MGA: variants seen among roughly 807,000 people sequenced by gnomAD.
The protein encoded by MGA is MAX gene-associated protein.
In MGA, 40 loss-of-function variants were observed where a neutral mutation model predicts 261.1. The ratio of observed to expected loss-of-function variants is 0.15; its 90% CI spans 0.12 to 0.20. The LOEUF (loss-of-function observed/expected upper bound fraction) is 0.20. MGA is among the 10% of genes least tolerant of loss of function. The probability of loss-of-function intolerance (pLI) is 1.00; values close to 1 mark genes in which losing one functional copy is unlikely to be tolerated. For synonymous variants in MGA, 1,302 were observed against 1,290.6 expected, an observed-to-expected ratio of 1.01 and a Z score of -0.19; for missense variants, 3,397 against 3,630.5, an observed-to-expected ratio of 0.94 and a Z score of 1.65.
intron 1 of MGA, among the ~76,000 whole-genome samples, chr15:41,649,296 G>A (rs946889080): frequency 1.3e-4 from 19 of 151,566 alleles, no homozygotes; most frequent in African/African-American, 3.4e-4. Context: ...GCAGAGAATC[G>A]CTTGAACCTG....
At chr15:41,749,019 A>G in intron 16 of MGA, 92 bp downstream of exon 16, 1 of 1,543,294 alleles carries the variant, frequency 6.5e-7, no homozygotes, top group Non-Finnish European at 8.7e-7. Flanking sequence ...TTCATCTCTT[A>G]AGAGTTACTT....
chr15:41,630,446 T>G (rs1287597000), intron 1 of MGA, among the ~76,000 whole-genome samples: 1 of 152,224 alleles, frequency 6.6e-6, no homozygotes, highest in Admixed American at 6.5e-5. Context: ...TGAAAAAGTT[T>G]AAAAGTTTTG....
intron 1 of MGA, among the ~76,000 whole-genome samples, chr15:41,637,389 A>G (rs1369655234): frequency 1.3e-5 from 2 of 152,166 alleles, no homozygotes; most frequent in Non-Finnish European, 2.9e-5. Context: ...TTGGTACTGA[A>G]ACTGGTTTAA....
At chr15:41,715,789 T>G (rs1419868823) in intron 9 of MGA, among the ~76,000 whole-genome samples, 2 of 152,324 alleles carry the variant, frequency 1.3e-5, no homozygotes, top group East Asian at 3.9e-4. Context: ...TAAATGATCT[T>G]TGTGTAAATA....
At chr15:41,716,881 CT>C (rs879628443) in intron 9 of MGA, among the ~76,000 whole-genome samples, 121 of 151,056 alleles carry the variant, frequency 8.0e-4, no homozygotes, top group African/African-American at 2.3e-3. Context: ...GCATTTAATA[CT>C]TTTTTTTTGT....
At chr15:41,631,869 T>C (rs1201716392) in intron 1 of MGA, among the ~76,000 whole-genome samples, 1 of 152,238 alleles carries the variant, frequency 6.6e-6, no homozygotes, top group Non-Finnish European at 1.5e-5. Context: ...TGTTAGCGTG[T>C]TGATATGCTT....
intron 2 of MGA, among the ~76,000 whole-genome samples, chr15:41,676,657 T>G (rs1469920080): frequency 6.6e-6 from 1 of 152,188 alleles, no homozygotes; most frequent in Non-Finnish European, 1.5e-5. Context: ...GACCTTGAAA[T>G]TGTTTTAGTT....
chr15:41,740,128 G>A lies in MGA; in HGVS notation c.4510G>A (p.Ala1504Thr), dbSNP rs200498017. 205 of 1,613,886 alleles carry A rather than the reference G, an allele frequency of 1.3e-4. 1 individual carries two copies. The highest frequency in any genetic ancestry group is 1.5e-4 in the Non-Finnish European group (181 of 1,179,910). Residue 1504 changes from alanine (A) to threonine (T), a missense_variant, in exon 14 of 24, where the codon GCA becomes ACA. Transcript: ENST00000219905. ...GCCTTCAACATCCAATTCCAAAATG[G>A]CATCCTCCTCTGGCACTGCAACAAA...
chr15:41,713,470 A>G lies in MGA; in HGVS notation c.3404A>G (p.Lys1135Arg), dbSNP rs1042566083. 4 of 1,549,188 alleles carry G rather than the reference A, an allele frequency of 2.6e-6. No homozygotes were observed. The highest frequency in any genetic ancestry group is 2.0e-5 in the Admixed American group (1 of 50,656). Residue 1135 changes from lysine (K) to arginine (R), a missense_variant, in exon 9 of 24, where the codon AAA becomes AGA. By Grantham distance (26) the Lys-to-Arg change is conservative. This residue lies in a region of MGA where 519 missense variants were observed against 554.1 expected (regional missense o/e 0.94). Transcript: ENST00000219905. ...GAGGAGGAGGAACAATTGAAAGAGA[A>G]AAAGAAGAGAAAGAAGCTAGAATAC...
intron 1 of MGA, among the ~76,000 whole-genome samples, chr15:41,631,880 CTA>C (rs1006569218): frequency 5.3e-5 from 8 of 151,850 alleles, no homozygotes; most frequent in Admixed American, 5.3e-4. Context: ...TGATATGCTT[CTA>C]TGTTTCTTTT....
chr15:41,762,506 C>T (rs1007753700), intron 22 of MGA, 144 bp downstream of exon 22: 214 of 583,224 alleles, frequency 3.7e-4, no homozygotes, highest in Non-Finnish European at 5.3e-4. Flanking sequence ...ACAGCTCTGT[C>T]GCCCAGGCTG....
chr15:41,703,948 C>G (rs2151398639), intron 5 of MGA, among the ~76,000 whole-genome samples: 1 of 152,240 alleles, frequency 6.6e-6, no homozygotes, highest in East Asian at 1.9e-4. Flanking sequence ...GCTGGGACTA[C>G]AAGCACATGC....
chr15:41,698,958 TA>T lies in MGA; in HGVS notation c.2092+22del. On this transcript the variant is annotated intron_variant, in intron 4 of 23. Coordinates refer to ENST00000219905, the MANE Select transcript of MGA (RefSeq NM_001164273.2). ...ATGACTCAGGTATTATAAAATAGTA[TA>T]AAAAGAGTTGTATTTGTGGTTTGGG... 6.5e-7 allele frequency: 1 copy of T among 1,546,736 alleles called. No homozygotes were observed. Among genetic ancestry groups the T allele is most frequent in the East Asian group, 2.4e-5 (1 of 40,890 alleles).
chr15:41,679,805 A>G (rs2058575351), intron 2 of MGA, among the ~76,000 whole-genome samples: 1 of 152,072 alleles, frequency 6.6e-6, no homozygotes, highest in African/African-American at 2.4e-5. Context: ...ACCATCTATT[A>G]AAAGAGATAT....
At chr15:41,622,480 T>A (rs746930641) in intron 1 of MGA, among the ~76,000 whole-genome samples, 17 of 152,230 alleles carry the variant, frequency 1.1e-4, no homozygotes, top group Non-Finnish European at 2.2e-4. Flanking sequence ...TGTTATAATA[T>A]TCTGGGCATG....
intron 1 of MGA, among the ~76,000 whole-genome samples, chr15:41,638,032 CTTTTTTT>C (rs56390631): frequency 4.7e-5 from 2 of 42,968 alleles, no homozygotes; most frequent in African/African-American, 7.8e-5. Context: ...CTGTGCCCAG[CTTTTTTT>C]TTTTTTTTTT....
chr15:41,633,046 G>T (rs987172057), intron 1 of MGA, among the ~76,000 whole-genome samples: 2 of 151,914 alleles, frequency 1.3e-5, no homozygotes, highest in Admixed American at 1.3e-4. Flanking sequence ...CTGCCTCCCG[G>T]GTTCAAGCGA....
chr15:41,759,953 ATTT>A (rs774954810), intron 19 of MGA, among the ~76,000 whole-genome samples: 15 of 152,112 alleles, frequency 9.9e-5, no homozygotes, highest in Non-Finnish European at 1.8e-4. Flanking sequence ...ATCTTACAGT[ATTT>A]TTTGAAAAAC....
At chr15:41,690,946 A>G (rs1338158900) in intron 2 of MGA, among the ~76,000 whole-genome samples, 1 of 151,522 alleles carries the variant, frequency 6.6e-6, no homozygotes, top group African/African-American at 2.4e-5. Context: ...TGAAACCTGG[A>G]AGTGTGAGTC....
Sources: allele counts gnomAD v4.1 joint callset (sites outside exome capture counted in the v4.1 genomes callset), GRCh38; gene constraint gnomAD v4.1.1; regional missense constraint gnomAD v4.1.1; transcripts MANE v1.5; gene names NCBI Gene and HGNC (gene_info 2026-07-23, HGNC 2026-07-21).